Variants in ZBTB8OS observed in about 807,000 individuals in gnomAD.
ZBTB8OS encodes tRNA-splicing ligase-activating factor archease.
A neutral mutation model predicts 29.3 loss-of-function variants in ZBTB8OS; 16 were observed. The observed-to-expected ratio is 0.55, with a 90% confidence interval of 0.37 to 0.83. The LOEUF is 0.83. Ranked by LOEUF, ZBTB8OS falls within the 40% of genes least tolerant of loss-of-function variation. ZBTB8OS has a pLI of 0.00. For missense variants in ZBTB8OS, 160 were observed against 196.9 expected, an observed-to-expected ratio of 0.81 and a Z score of 1.12; for synonymous variants, 70 against 64.6, an observed-to-expected ratio of 1.08 and a Z score of -0.40.
In ZBTB8OS at chr1:32,648,493, T is replaced by C. The variant is rs1030430348; in HGVS notation, c.97+1940A>G. On this transcript the variant is annotated intron_variant, in intron 1 of 6. Coordinates refer to ENST00000468695, the MANE Select transcript of ZBTB8OS (RefSeq NM_178547.5). ...AGCCTAAACGTCCATCAACTGAAAA[T>C]TGGTTAAAGCAAATGCTAGAACATC... Among the ~76,000 whole-genome samples, 3 of 152,160 alleles carry C rather than the reference T, an allele frequency of 2.0e-5. 1 individual carries two copies. Among genetic ancestry groups the C allele is most frequent in the South Asian group, 4.1e-4 (2 of 4,822 alleles).
At chr1:32,633,302 GC>G (rs1645714879) in intron 4 of ZBTB8OS, 1 of 190,098 alleles carries the variant, frequency 5.3e-6, no homozygotes, top group East Asian at 1.6e-4. Flanking sequence ...CAGGAGGATT[GC>G]CGGAAGCTAG....
At position 32,650,426 on chromosome 1, in the gene ZBTB8OS, T is replaced by C. The variant is rs907978664; in HGVS notation, c.97+7A>G. On this transcript the variant is annotated splice_region_variant and intron_variant, in intron 1 of 6. Coordinates refer to ENST00000468695, the MANE Select transcript of ZBTB8OS (RefSeq NM_178547.5). The stretch of plus-strand genomic sequence containing the variant: ...CATGTAAAGAGAGAAGTAAGCCACC[T>C]ACTCACACTCGTACTTCCTATTGAC... 6 of 1,614,048 alleles carry C rather than the reference T, an allele frequency of 3.7e-6. No homozygotes were observed. Among genetic ancestry groups the C allele is most frequent in the Non-Finnish European group, 3.4e-6 (4 of 1,180,020 alleles).
chr1:32,635,274 C>T (rs897872650), intron 1 of ZBTB8OS, among the ~76,000 whole-genome samples: 7 of 147,218 alleles, frequency 4.8e-5, no homozygotes, highest in African/African-American at 1.3e-4. Flanking sequence ...CATATCATGA[C>T]TCTTTTTTTT....
chr1:32,647,436 CAAA>C (rs71006349), intron 1 of ZBTB8OS, among the ~76,000 whole-genome samples: 23 of 121,836 alleles, frequency 1.9e-4, no homozygotes, highest in Non-Finnish European at 1.7e-4. Context: ...GACTCTGTCT[CAAA>C]AAAAAAAAAA....
chr1:32,650,345 C>T, intron 1 of ZBTB8OS, 88 bp downstream of exon 1: 1 of 1,541,166 alleles, frequency 6.5e-7, no homozygotes, highest in Non-Finnish European at 8.9e-7. Flanking sequence ...CCATGGGGCA[C>T]AGTAGAAAGA....
intron 1 of ZBTB8OS, among the ~76,000 whole-genome samples, chr1:32,635,724 G>A (rs1238345065): frequency 1.3e-5 from 2 of 152,042 alleles, no homozygotes; most frequent in Non-Finnish European, 1.5e-5. Flanking sequence ...GAAAGAAATC[G>A]GACCTAACTG....
intron 1 of ZBTB8OS, among the ~76,000 whole-genome samples, chr1:32,646,489 G>A (rs1295343539): frequency 2.6e-5 from 4 of 151,204 alleles, no homozygotes; most frequent in Non-Finnish European, 5.9e-5. Flanking sequence ...CCGGGTTCAC[G>A]CCATTCTCCT....
intron 6 of ZBTB8OS, among the ~76,000 whole-genome samples, chr1:32,623,616 C>A (rs1644894611): frequency 6.6e-6 from 1 of 152,138 alleles, no homozygotes; most frequent in East Asian, 1.9e-4. Flanking sequence ...AGTACTTGAT[C>A]CTATACTCCC....
At chr1:32,625,478 G>C (rs775859743) in intron 6 of ZBTB8OS, among the ~76,000 whole-genome samples, 4 of 152,204 alleles carry the variant, frequency 2.6e-5, no homozygotes, top group Non-Finnish European at 4.4e-5. Context: ...AGGTTGCAGT[G>C]AGCTGAGATC....
At position 32,634,809 on chromosome 1, in the gene ZBTB8OS, A is replaced by G. The variant is rs765944212; in HGVS notation, c.98-17T>C. 4 of 1,557,858 alleles carry G rather than the reference A, an allele frequency of 2.6e-6. No homozygotes were observed. The highest frequency in any genetic ancestry group is 3.5e-6 in the Non-Finnish European group (4 of 1,128,804). On this transcript the variant is annotated splice_polypyrimidine_tract_variant and intron_variant, in intron 1 of 6. Transcript: ENST00000468695. ...GATCCAAATCTGAGGGACAGAGGGA[A>G]AAACACTTATAAGACACTAAACTTG...
At chr1:32,636,674 G>A (rs188675374) in intron 1 of ZBTB8OS, among the ~76,000 whole-genome samples, 2,813 of 143,684 alleles carry the variant, frequency 0.02, 33 homozygotes, top group Non-Finnish European at 0.029. Context: ...TGGGCAACAA[G>A]AGCAAAACTC....
intron 6 of ZBTB8OS, among the ~76,000 whole-genome samples, chr1:32,624,206 T>C (rs1311356892): frequency 6.6e-6 from 1 of 152,204 alleles, no homozygotes; most frequent in Non-Finnish European, 1.5e-5. Context: ...AGCGTGAGAA[T>C]GGGTTAATAA....
rs541171141 is a variant in ZBTB8OS, at chr1:32,630,886, G to A, written c.380+941C>T. The stretch of plus-strand genomic sequence containing the variant: ...AAATTAGCCAGGCGTGGTAGCAGGC[G>A]CGTATAATCTCAGCTACTCGGGAGG... On this transcript the variant is annotated intron_variant, in intron 5 of 6. Coordinates refer to ENST00000468695, the MANE Select transcript of ZBTB8OS (RefSeq NM_178547.5). Among the ~76,000 whole-genome samples the A allele has an allele frequency of 2.0e-4, 31 of 151,960 alleles. 1 individual carries two copies. In the South Asian group the frequency reaches 5.4e-3, roughly 27 times the overall value.
At chr1:32,636,574 C>G (rs1316384369) in intron 1 of ZBTB8OS, among the ~76,000 whole-genome samples, 14 of 151,846 alleles carry the variant, frequency 9.2e-5, no homozygotes, top group Admixed American at 9.2e-4. Flanking sequence ...CCTGTAAACC[C>G]ATCTACTCAG....
chr1:32,630,840 C>T (rs1297634506), intron 5 of ZBTB8OS, among the ~76,000 whole-genome samples: 1 of 151,384 alleles, frequency 6.6e-6, no homozygotes, highest in Admixed American at 6.6e-5. Context: ...AGTGAAACCC[C>T]GTCTATACTA....
At chr1:32,635,994 G>C (rs79757680) in intron 1 of ZBTB8OS, among the ~76,000 whole-genome samples, 1 of 152,128 alleles carries the variant, frequency 6.6e-6, no homozygotes, top group South Asian at 2.1e-4. Flanking sequence ...AATTGCTCTC[G>C]TGGATAACAT....
intron 4 of ZBTB8OS, 135 bp downstream of exon 4, chr1:32,633,510 A>G: frequency 1.6e-6 from 1 of 634,206 alleles, no homozygotes; most frequent in South Asian, 2.3e-5. Flanking sequence ...GGTCATTATA[A>G]TCTCTGCAAA....
intron 6 of ZBTB8OS, among the ~76,000 whole-genome samples, chr1:32,625,032 T>C (rs944535476): frequency 6.6e-6 from 1 of 151,912 alleles, no homozygotes; most frequent in African/African-American, 2.4e-5. Flanking sequence ...GAAACCAGCC[T>C]GGCCAACATG....
upstream of ZBTB8OS, chr1:32,650,638 A>C: frequency 6.4e-7 from 1 of 1,569,178 alleles, no homozygotes; most frequent in East Asian, 2.3e-5. Context: ...TTAAAGGACC[A>C]CACTCCTTTC....
Sources: allele counts gnomAD v4.1 joint callset (sites outside exome capture counted in the v4.1 genomes callset), GRCh38; gene constraint gnomAD v4.1.1; transcripts MANE v1.5; gene names NCBI Gene and HGNC (gene_info 2026-07-23, HGNC 2026-07-21).